MACROD2: variants seen among roughly 807,000 people sequenced by gnomAD.
MACROD2 encodes the protein mono-ADP ribosylhydrolase 2, also known as ADP-ribose glycohydrolase MACROD2.
MACROD2 carries 36 observed loss-of-function variants against 70.4 expected under a neutral mutation model. The ratio of observed to expected loss-of-function variants is 0.51; its 90% CI spans 0.39 to 0.68. The LOEUF is 0.68. Ranked by LOEUF, MACROD2 falls within the 30% of genes least tolerant of loss-of-function variation. The pLI, the probability that MACROD2 is intolerant of heterozygous loss-of-function variation, is 0.00. For synonymous variants in MACROD2, 172 were observed against 178.8 expected, an observed-to-expected ratio of 0.96 and a Z score of 0.30; for missense variants, 496 against 538.4, an observed-to-expected ratio of 0.92 and a Z score of 0.78.
At chr20:14,763,152 C>T (rs2072039429) in intron 5 of MACROD2, among the ~76,000 whole-genome samples, 1 of 152,010 alleles carries the variant, frequency 6.6e-6, no homozygotes, top group African/African-American at 2.4e-5. Flanking sequence ...TAAAGGAGAT[C>T]TTTGTGATAT....
At chr20:14,569,793 T>A (rs1352482526) in intron 4 of MACROD2, among the ~76,000 whole-genome samples, 1 of 151,812 alleles carries the variant, frequency 6.6e-6, no homozygotes, top group African/African-American at 2.4e-5. Context: ...CGTAGAGCTG[T>A]GAAAGAATTT....
intron 3 of MACROD2, among the ~76,000 whole-genome samples, chr20:14,250,844 A>G (rs1389878096): frequency 6.6e-6 from 1 of 152,094 alleles, no homozygotes; most frequent in Non-Finnish European, 1.5e-5. Flanking sequence ...GTATAACTGA[A>G]AGTATGACTC....
intron 5 of MACROD2, among the ~76,000 whole-genome samples, chr20:15,134,152 C>T (rs528133794): frequency 0.083 from 11 of 132 alleles, no homozygotes; most frequent in East Asian, 0.25. Flanking sequence ...GTGATCCTCC[C>T]GCCTCGCCTC....
chr20:15,764,189 T>C (rs1253309553), intron 8 of MACROD2, among the ~76,000 whole-genome samples: 1 of 152,196 alleles, frequency 6.6e-6, no homozygotes, highest in African/African-American at 2.4e-5. Flanking sequence ...TGCCACTCAA[T>C]TTGATATGAC....
intron 9 of MACROD2, among the ~76,000 whole-genome samples, chr20:15,871,428 A>G (rs765679389): frequency 4.6e-5 from 7 of 152,138 alleles, no homozygotes; most frequent in Non-Finnish European, 7.4e-5. Flanking sequence ...TTATCTTTCT[A>G]TCAGTTGTCA....
intron 5 of MACROD2, among the ~76,000 whole-genome samples, chr20:15,200,968 C>T (rs986986212): frequency 1.3e-5 from 2 of 152,102 alleles, no homozygotes; most frequent in Non-Finnish European, 2.9e-5. Context: ...GCTCATTAAA[C>T]ACAGATTTCC....
chr20:14,365,023 A>G (rs2083259051), intron 3 of MACROD2, among the ~76,000 whole-genome samples: 1 of 152,164 alleles, frequency 6.6e-6, no homozygotes, highest in South Asian at 2.1e-4. Context: ...CTGTTTCTTG[A>G]AAGAGGTTGT....
intron 8 of MACROD2, among the ~76,000 whole-genome samples, chr20:15,553,698 G>A (rs559435799): frequency 3.3e-5 from 5 of 152,332 alleles, no homozygotes; most frequent in African/African-American, 1.2e-4. Flanking sequence ...AGGATTACAG[G>A]CATGCTGGGC....
chr20:15,568,713 A>G (rs952512898), intron 8 of MACROD2, among the ~76,000 whole-genome samples: 7 of 152,164 alleles, frequency 4.6e-5, no homozygotes, highest in African/African-American at 1.7e-4. Context: ...CTCACAGGAG[A>G]TATGTGCTCC....
In MACROD2 at chr20:14,532,258, A is replaced by G. The variant is rs866612819; in HGVS notation, c.301+38750A>G. Among the ~76,000 whole-genome samples, 75 of 141,732 alleles carry G rather than the reference A, an allele frequency of 5.3e-4. 1 individual carries two copies. Among genetic ancestry groups the G allele is most frequent in the East Asian group, 5.3e-3 (26 of 4,934 alleles). 93.0% of individuals were successfully genotyped at this position (141,732 alleles called of 152,430 possible). ...TTTTGAGATGGAGTCTTGCTCTGTCACCCAGGCTGGAGTGCAATGGCGCAA... is the reference window on the plus strand; with the variant it reads ...TTTTGAGATGGAGTCTTGCTCTGTCGCCCAGGCTGGAGTGCAATGGCGCAA... On this transcript the variant is annotated intron_variant, in intron 4 of 17. Transcript: ENST00000684519.
chr20:14,761,190 C>A (rs2072010523), intron 5 of MACROD2, among the ~76,000 whole-genome samples: 2 of 152,074 alleles, frequency 1.3e-5, no homozygotes, highest in African/African-American at 4.8e-5. Context: ...TCATCTTTGA[C>A]ATATAGATAT....
intron 5 of MACROD2, among the ~76,000 whole-genome samples, chr20:14,981,720 T>C (rs1207443421): frequency 6.6e-6 from 1 of 152,136 alleles, no homozygotes; most frequent in Non-Finnish European, 1.5e-5. Context: ...CCTTCCACCA[T>C]GATTGTGAGG....
intron 5 of MACROD2, among the ~76,000 whole-genome samples, chr20:15,181,710 T>G (rs1291996206): frequency 2.0e-5 from 3 of 152,214 alleles, no homozygotes; most frequent in African/African-American, 4.8e-5. Context: ...GAATGCATTT[T>G]GATGTGAATT....
intron 8 of MACROD2, among the ~76,000 whole-genome samples, chr20:15,586,095 T>G (rs1221877280): frequency 6.6e-6 from 1 of 152,204 alleles, no homozygotes; most frequent in African/African-American, 2.4e-5. Flanking sequence ...TTATGGCTTT[T>G]CCCTACTAAT....
chr20:15,839,198 G>A (rs571363792), intron 8 of MACROD2, among the ~76,000 whole-genome samples: 4 of 152,230 alleles, frequency 2.6e-5, no homozygotes, highest in Middle Eastern at 3.4e-3. Flanking sequence ...AGAAACAGAA[G>A]CATCCCTTGA....
intron 11 of MACROD2, among the ~76,000 whole-genome samples, chr20:15,934,952 G>A (rs1350828088): frequency 6.6e-6 from 1 of 151,988 alleles, no homozygotes; most frequent in Non-Finnish European, 1.5e-5. Flanking sequence ...GCCTCCCAAA[G>A]TGCTGTGATT....
intron 3 of MACROD2, among the ~76,000 whole-genome samples, chr20:14,181,358 G>T (rs1228696299): frequency 6.6e-6 from 1 of 151,976 alleles, no homozygotes; most frequent in East Asian, 1.9e-4. Flanking sequence ...GTGAGCCACT[G>T]TGCCTGGCCC....
chr20:14,949,153 A>G (rs2074456216), intron 5 of MACROD2, among the ~76,000 whole-genome samples: 1 of 152,298 alleles, frequency 6.6e-6, no homozygotes, highest in African/African-American at 2.4e-5. Context: ...CCAGCCATAC[A>G]TTTAACCAAG....
At chr20:15,807,939 C>A (rs1286929929) in intron 8 of MACROD2, among the ~76,000 whole-genome samples, 1 of 152,020 alleles carries the variant, frequency 6.6e-6, no homozygotes, top group African/African-American at 2.4e-5. Context: ...CACCCTGGGC[C>A]TTGTAGTTAA....
Sources: allele counts gnomAD v4.1 joint callset (sites outside exome capture counted in the v4.1 genomes callset), GRCh38; gene constraint gnomAD v4.1.1; transcripts MANE v1.5; gene names NCBI Gene and HGNC (gene_info 2026-07-23, HGNC 2026-07-21).